The following TFDP2 variants were observed in gnomAD, a reference collection of about 807,000 sequenced individuals.
The protein encoded by TFDP2 is transcription factor Dp-2, also known as transcription factor Dp-2 (E2F dimerization partner 2).
A neutral mutation model predicts 59.3 loss-of-function variants in TFDP2; 17 were observed. The ratio of observed to expected loss-of-function variants is 0.29; its 90% CI spans 0.20 to 0.43. The LOEUF (loss-of-function observed/expected upper bound fraction) is 0.43. Among genes scored for constraint, TFDP2 ranks in the 20% least tolerant of loss-of-function variants. The probability of loss-of-function intolerance (pLI) is 1.00; values close to 1 mark genes in which losing one functional copy is unlikely to be tolerated. For missense variants in TFDP2, 391 were observed against 528.8 expected (o/e 0.74, Z 2.56); for synonymous variants, 180 against 194.7 (o/e 0.92, Z 0.63).
intron 3 of TFDP2, among the ~76,000 whole-genome samples, chr3:142,074,484 G>A (rs189172405): frequency 8.4e-4 from 128 of 152,094 alleles, no homozygotes; most frequent in African/African-American, 2.5e-3. Context: ...AGACCAAGGC[G>A]GGAGAATTGC....
intron 2 of TFDP2, among the ~76,000 whole-genome samples, chr3:142,095,698 A>G (rs949568326): frequency 5.9e-5 from 9 of 152,236 alleles, no homozygotes; most frequent in African/African-American, 2.2e-4. Flanking sequence ...CTCACAAATA[A>G]TGTTAAATAT....
At chr3:142,039,220 C>CT (rs1324434112) in intron 3 of TFDP2, among the ~76,000 whole-genome samples, 1 of 152,162 alleles carries the variant, frequency 6.6e-6, no homozygotes, top group Non-Finnish European at 1.5e-5. Flanking sequence ...TGCATTTCTT[C>CT]TCCTGTGAAT....
chr3:142,098,258 C>T (rs2061225610), intron 2 of TFDP2, among the ~76,000 whole-genome samples: 2 of 144,630 alleles, frequency 1.4e-5, no homozygotes. Flanking sequence ...CTTAAAGATT[C>T]ATTGACAAGG....
At chr3:142,132,744 C>CA (rs199517533) in intron 1 of TFDP2, among the ~76,000 whole-genome samples, 1,875 of 61,272 alleles carry the variant, frequency 0.031, 86 homozygotes, top group African/African-American at 0.077. Context: ...GACGCTATCT[C>CA]AAAAAAAAAA....
At chr3:142,081,301 C>A (rs544011620) in intron 3 of TFDP2, among the ~76,000 whole-genome samples, 1 of 152,084 alleles carries the variant, frequency 6.6e-6, no homozygotes, top group South Asian at 2.1e-4. Context: ...AAAAGAAACA[C>A]AACACACCAA....
chr3:142,011,513 C>T (rs1401768736), intron 3 of TFDP2, among the ~76,000 whole-genome samples: 2 of 130,590 alleles, frequency 1.5e-5, no homozygotes, highest in East Asian at 2.3e-4. Context: ...GTGGGTGCAG[C>T]GCACCAGCAT....
intron 6 of TFDP2, among the ~76,000 whole-genome samples, chr3:141,987,108 A>C (rs1942179724): frequency 6.6e-6 from 1 of 152,142 alleles, no homozygotes; most frequent in Non-Finnish European, 1.5e-5. Context: ...CAATTCTTTT[A>C]TTAAGGCTTT....
intron 1 of TFDP2, among the ~76,000 whole-genome samples, chr3:142,111,444 A>AAC (rs1177383572): frequency 3.3e-5 from 5 of 151,638 alleles, no homozygotes; most frequent in African/African-American, 4.8e-5. Context: ...AAAAAAAAAA[A>AAC]AAAAGATTCA....
intron 6 of TFDP2, among the ~76,000 whole-genome samples, chr3:141,981,588 C>T (rs552034415): frequency 6.6e-6 from 1 of 152,284 alleles, no homozygotes; most frequent in Non-Finnish European, 1.5e-5. Context: ...GGACAGCATA[C>T]TTATCTTACC....
chr3:141,964,099 T>A, intron 9 of TFDP2, 136 bp from the exon 10 acceptor site: 1 of 718,694 alleles, frequency 1.4e-6, no homozygotes, highest in Non-Finnish European at 2.1e-6. Context: ...ATGAATTAAT[T>A]TAAAAAATTA....
intron 3 of TFDP2, among the ~76,000 whole-genome samples, chr3:142,087,084 AG>A (rs1336618376): frequency 6.6e-6 from 1 of 152,232 alleles, no homozygotes; most frequent in African/African-American, 2.4e-5. Flanking sequence ...GAATCAGGGC[AG>A]CGATCAAATG....
intron 3 of TFDP2, among the ~76,000 whole-genome samples, chr3:142,050,640 G>A (rs577017522): frequency 5.3e-5 from 8 of 152,246 alleles, no homozygotes; most frequent in African/African-American, 1.7e-4. Context: ...AGCTTGCAGT[G>A]AGTCACGATC....
At chr3:142,057,651 A>G (rs2059787827) in intron 3 of TFDP2, among the ~76,000 whole-genome samples, 1 of 152,252 alleles carries the variant, frequency 6.6e-6, no homozygotes, top group Non-Finnish European at 1.5e-5. Flanking sequence ...ATTCCAAAAG[A>G]TAAGTTTAAG....
At chr3:141,983,201 TAC>T (rs1941673383) in intron 6 of TFDP2, among the ~76,000 whole-genome samples, 1 of 152,174 alleles carries the variant, frequency 6.6e-6, no homozygotes, top group African/African-American at 2.4e-5. Context: ...ACACCTGCCA[TAC>T]ACAGATGAGA....
At chr3:142,091,323 T>C (rs781659991) in intron 3 of TFDP2, among the ~76,000 whole-genome samples, 14 of 152,148 alleles carry the variant, frequency 9.2e-5, no homozygotes, top group Non-Finnish European at 1.9e-4. Context: ...TCCCACAGAC[T>C]ATTACTATTA....
In TFDP2 at chr3:141,952,323, A is replaced by G; in HGVS notation, c.*190T>C. On this transcript the variant is annotated 3_prime_UTR_variant, in exon 13 of 13. Transcript: ENST00000489671. ...CTACTGCTCTGTTGGCCAGACTTTC[A>G]TTCACACTATGTTAACTTTCATCTC... 4.0e-6 allele frequency: 2 copies of G among 506,222 alleles called. No individual in the cohort carries two copies. Among genetic ancestry groups the G allele is most frequent in the South Asian group, 7.8e-5 (2 of 25,658 alleles). 31.4% of individuals were successfully genotyped at this position (506,222 alleles called of 1,614,324 possible). A position where few individuals can be genotyped will look rare whatever the true frequency, so the allele number is the denominator to read the frequency against.
intron 1 of TFDP2, among the ~76,000 whole-genome samples, chr3:142,104,966 T>A (rs984089098): frequency 2.0e-5 from 3 of 152,146 alleles, no homozygotes; most frequent in Non-Finnish European, 4.4e-5. Flanking sequence ...CCGTCTCAGC[T>A]CTGATACTTA....
chr3:142,031,429 T>G (rs377466385), intron 3 of TFDP2, among the ~76,000 whole-genome samples: 3 of 152,164 alleles, frequency 2.0e-5, no homozygotes, highest in African/African-American at 7.2e-5. Context: ...TCCAGAGCCT[T>G]TTCTCTGGTC....
chr3:142,047,927 A>G (rs1947425982), intron 3 of TFDP2, among the ~76,000 whole-genome samples: 1 of 151,840 alleles, frequency 6.6e-6, no homozygotes, highest in Non-Finnish European at 1.5e-5. Context: ...TTTTTAGTAG[A>G]GACGCGGTCT....
Sources: gnomAD v4.1 joint callset for allele counts (sites outside exome capture counted in the v4.1 genomes callset) on GRCh38, gnomAD v4.1.1 for gene constraint, MANE v1.5 for transcripts, NCBI Gene and HGNC (gene_info 2026-07-23, HGNC 2026-07-21) for gene names.